Variants in RCC2 observed in about 807,000 individuals in gnomAD.
RCC2 encodes protein RCC2.
In RCC2, 19 loss-of-function variants were observed where a neutral mutation model predicts 64.1. The ratio of observed to expected loss-of-function variants is 0.30; its 90% confidence interval spans 0.21 to 0.44. The LOEUF is 0.44. RCC2 is among the 20% of genes least tolerant of loss of function. RCC2 has a pLI of 1.00. For synonymous variants in RCC2, 325 were observed against 279.6 expected (o/e 1.16, Z -1.62); for missense variants, 508 against 710.4 (o/e 0.72, Z 3.24).
chr1:17,413,316 G>T, intron 9 of RCC2, 138 bp from the exon 10 acceptor site: 1 of 836,226 alleles, frequency 1.2e-6, no homozygotes, highest in Non-Finnish European at 2.0e-6. Flanking sequence ...CAGGCGTGGT[G>T]GCGTGCCTGT....
chr1:17,406,779 G>A lies in RCC2; in HGVS notation c.*2311C>T, dbSNP rs1168813325. The stretch of plus-strand genomic sequence containing the variant: ...ATCCAAGACAGTAGACAATGTTGTT[G>A]TTTATTTAAAATGTTTACTCCAAGA... On this transcript the variant is annotated 3_prime_UTR_variant, in exon 13 of 13. Transcript: ENST00000375436. 2 of 132,366 alleles carry A rather than the reference G, an allele frequency of 1.5e-5. No individual in the cohort carries two copies. Among genetic ancestry groups the A allele is most frequent in the Non-Finnish European group, 3.3e-5 (2 of 60,866 alleles). The allele number at this position is 132,366 out of a possible 1,614,324, so 8.2% of individuals were successfully genotyped here.
intron 8 of RCC2, among the ~76,000 whole-genome samples, chr1:17,414,960 G>A (rs1166506466): frequency 6.6e-6 from 1 of 152,158 alleles, no homozygotes; most frequent in Non-Finnish European, 1.5e-5. Context: ...AGGTACAGAG[G>A]TAACCTGTAC....
chr1:17,437,520 G>T (rs1381917298), intron 2 of RCC2, among the ~76,000 whole-genome samples: 3 of 152,142 alleles, frequency 2.0e-5, no homozygotes. Context: ...GAAAACAGAA[G>T]CCCGCCCAGG....
At chr1:17,419,268 A>G (rs1306941795) in intron 7 of RCC2, among the ~76,000 whole-genome samples, 1 of 151,400 alleles carries the variant, frequency 6.6e-6, no homozygotes, top group Non-Finnish European at 1.5e-5. Context: ...CCGAGGCAGG[A>G]GAATTGCTTG....
intron 2 of RCC2, among the ~76,000 whole-genome samples, chr1:17,437,579 C>A (rs139281728): frequency 3.5e-5 from 1 of 28,530 alleles, no homozygotes; most frequent in African/African-American, 1.6e-4. Flanking sequence ...AGAGCCCTCG[C>A]GAGCATCCTG....
intron 7 of RCC2, among the ~76,000 whole-genome samples, chr1:17,417,726 A>C (rs886071612): frequency 6.6e-6 from 1 of 152,134 alleles, no homozygotes; most frequent in Non-Finnish European, 1.5e-5. Context: ...CAGTTTGTAA[A>C]CTAGCCCCCG....
rs762599852 is a variant in RCC2, at chr1:17,438,521, G to A, written c.-7C>T. ...CCGCCTTCTTCCTGGGCATGGTCGC[G>A]GCTGGAGGGAGACACGGGGCAGCGG... On this transcript the variant is annotated splice_region_variant and 5_prime_UTR_variant, in exon 2 of 13. Coordinates refer to ENST00000375436, the MANE Select transcript of RCC2 (RefSeq NM_018715.4). The A allele has an allele frequency of 1.9e-5, 25 of 1,334,750 alleles. 1 individual carries two copies. In the Admixed American group the frequency reaches 5.8e-4, roughly 31 times the overall value. The allele number at this position is 1,334,750 out of a possible 1,614,324, so 82.7% of individuals were successfully genotyped here. A position where few individuals can be genotyped will look rare whatever the true frequency, so the allele number is the denominator to read the frequency against.
intron 6 of RCC2, 103 bp downstream of exon 6, chr1:17,422,100 T>C (rs2075562322): frequency 2.6e-6 from 2 of 765,240 alleles, no homozygotes; most frequent in East Asian, 2.7e-5. Flanking sequence ...ACCCTGTTTT[T>C]ACAAGGGGTA....
intron 2 of RCC2, among the ~76,000 whole-genome samples, chr1:17,430,243 G>A (rs745564425): frequency 6.6e-6 from 1 of 152,144 alleles, no homozygotes. Flanking sequence ...CTGGCAAGGC[G>A]CAATGGCTCA....
At chr1:17,425,748 C>T in intron 3 of RCC2, 64 bp from the exon 4 acceptor site, 1 of 1,522,114 alleles carries the variant, frequency 6.6e-7, no homozygotes, top group Non-Finnish European at 8.9e-7. Context: ...CAAAATGTCA[C>T]TGGCCACCAA....
At chr1:17,418,054 A>G (rs1394130645) in intron 7 of RCC2, among the ~76,000 whole-genome samples, 2 of 152,102 alleles carry the variant, frequency 1.3e-5, no homozygotes, top group African/African-American at 4.8e-5. Flanking sequence ...AAGGTACTTG[A>G]GCATCTTAAG....
intron 3 of RCC2, among the ~76,000 whole-genome samples, chr1:17,427,189 A>G (rs1209506768): frequency 1.3e-5 from 2 of 152,210 alleles, no homozygotes; most frequent in Non-Finnish European, 2.9e-5. Context: ...AAAGGCTACA[A>G]TGTCTCTATC....
In RCC2 at chr1:17,438,349, C is replaced by A. The variant is rs983059913; in HGVS notation, c.166G>T (p.Gly56Cys). ...CCGGGGGCCCCGTCGAGCTCCAGGC[C>A]GTCCTCGTCGCCGCTGCTGCCGCCG... Reference protein sequence around the residue: ...SGGGSSGDEDGLELDGAPGGG... With the variant: ...SGGGSSGDEDCLELDGAPGGG... The change falls in exon 2 of 13, where the codon GGC becomes TGC. Residue 56 changes from glycine (G) to cysteine (C), a missense_variant. Gly to Cys is a radical substitution (Grantham distance 159). Transcript: ENST00000375436. 8.1e-7 allele frequency: 1 copy of A among 1,240,774 alleles called. No individual in the cohort carries two copies. Among genetic ancestry groups the A allele is most frequent in the Non-Finnish European group, 1.0e-6 (1 of 992,638 alleles). 76.9% of individuals were successfully genotyped at this position (1,240,774 alleles called of 1,614,324 possible). A position where few individuals can be genotyped will look rare whatever the true frequency, so the allele number is the denominator to read the frequency against.
intron 3 of RCC2, among the ~76,000 whole-genome samples, chr1:17,426,393 G>A (rs146568869): frequency 9.2e-5 from 14 of 151,994 alleles, no homozygotes; most frequent in Admixed American, 1.3e-4. Flanking sequence ...CCATATATTC[G>A]CTTCCCCTAG....
chr1:17,425,266 G>A (rs1029591902), intron 4 of RCC2, among the ~76,000 whole-genome samples: 2 of 152,056 alleles, frequency 1.3e-5, no homozygotes, highest in East Asian at 3.9e-4. Flanking sequence ...ATCAAGCTTC[G>A]GGCAGAAGAT....
At chr1:17,428,522 G>A (rs906807059) in intron 3 of RCC2, among the ~76,000 whole-genome samples, 3 of 152,196 alleles carry the variant, frequency 2.0e-5, no homozygotes, top group African/African-American at 7.2e-5. Context: ...AAATCAAGAA[G>A]CCATAAAAGT....
chr1:17,435,602 G>A (rs923319478), intron 2 of RCC2, among the ~76,000 whole-genome samples: 1 of 152,228 alleles, frequency 6.6e-6, no homozygotes, highest in African/African-American at 2.4e-5. Flanking sequence ...AAGGCAATGG[G>A]GCTGCATGGA....
chr1:17,414,552 C>CAAAAAAAAAAACAAAACAAAAAAA (rs2075461322), intron 8 of RCC2, among the ~76,000 whole-genome samples: 1 of 113,578 alleles, frequency 8.8e-6, no homozygotes, highest in Non-Finnish European at 1.9e-5. Context: ...CAAAACGAAA[C>CAAAAAAAAAAACAAAACAAAAAAA]AAAAAAAAAA....
At chr1:17,421,974 G>A (rs757791176) in intron 6 of RCC2, among the ~76,000 whole-genome samples, 2 of 152,068 alleles carry the variant, frequency 1.3e-5, no homozygotes, top group African/African-American at 2.4e-5. Flanking sequence ...GCAGTGAGCC[G>A]AGATTGCGCC....
Sources: gnomAD v4.1 joint callset for allele counts (sites outside exome capture counted in the v4.1 genomes callset) on GRCh38, gnomAD v4.1.1 for gene constraint, MANE v1.5 for transcripts, NCBI Gene and HGNC (gene_info 2026-07-23, HGNC 2026-07-21) for gene names.